The following ANKRD30B variants were observed in gnomAD, a reference collection of about 807,000 sequenced individuals.
ANKRD30B encodes the protein ankyrin repeat domain-containing protein 30B.
In ANKRD30B, 144 loss-of-function variants were observed where a neutral mutation model predicts 202.2. The ratio of observed to expected loss-of-function variants is 0.71; its 90% CI spans 0.62 to 0.82. ANKRD30B has a LOEUF of 0.82. Among genes scored for constraint, ANKRD30B ranks in the 40% least tolerant of loss-of-function variants. ANKRD30B has a pLI of 0.00. For missense variants in ANKRD30B, 1,487 were observed against 1,669.1 expected, an observed-to-expected ratio of 0.89 and a Z score of 1.90; for synonymous variants, 508 against 561.3, an observed-to-expected ratio of 0.91 and a Z score of 1.34.
intron 16 of ANKRD30B, among the ~76,000 whole-genome samples, chr18:14,792,918 T>A (rs1017631596): frequency 1.3e-5 from 2 of 152,136 alleles, no homozygotes; most frequent in Non-Finnish European, 2.9e-5. Flanking sequence ...ACCATAATTC[T>A]GAATTCATGA....
chr18:14,926,483 T>C, the ANKRD30B span, among the ~76,000 whole-genome samples: 3 of 152,154 alleles, frequency 2.0e-5, no homozygotes, highest in Non-Finnish European at 4.4e-5. Context: ...CCACACATTG[T>C]CAAGGTGAGA....
intron 14 of ANKRD30B, among the ~76,000 whole-genome samples, chr18:14,786,338 A>AT (rs1049834624): frequency 5.9e-5 from 9 of 152,024 alleles, no homozygotes; most frequent in African/African-American, 2.2e-4. Flanking sequence ...TAAGGCAATT[A>AT]TTTTTTCCTA....
intron 8 of ANKRD30B, 68 bp from the exon 9 acceptor site, chr18:14,772,088 T>A (rs1967038306): frequency 9.9e-7 from 1 of 1,008,228 alleles, no homozygotes; most frequent in Non-Finnish European, 1.4e-6. Context: ...CACCAAGATA[T>A]GAACTAGCAG....
the ANKRD30B span, among the ~76,000 whole-genome samples, chr18:14,860,360 A>C: frequency 8.3e-6 from 1 of 120,050 alleles, no homozygotes; most frequent in Non-Finnish European, 1.7e-5. Context: ...GCTGCCGGGC[A>C]GAGGCGCTCC....
chr18:14,781,953 A>T (rs1967776504), intron 11 of ANKRD30B, among the ~76,000 whole-genome samples: 1 of 152,204 alleles, frequency 6.6e-6, no homozygotes, highest in Non-Finnish European at 1.5e-5. Context: ...TATATGAGTA[A>T]ACTAGCTAGC....
intron 34 of ANKRD30B, among the ~76,000 whole-genome samples, chr18:14,833,718 G>A (rs1368148114): frequency 1.3e-5 from 2 of 152,094 alleles, no homozygotes; most frequent in African/African-American, 4.8e-5. Flanking sequence ...TGTAAATACT[G>A]ATCAGCAATA....
chr18:14,793,163 C>G (rs753734415), intron 16 of ANKRD30B, among the ~76,000 whole-genome samples: 1 of 151,748 alleles, frequency 6.6e-6, no homozygotes, highest in East Asian at 1.9e-4. Flanking sequence ...TTGTAGCATA[C>G]GGGTATGAAA....
chr18:14,910,366 G>A, the ANKRD30B span, among the ~76,000 whole-genome samples: 120 of 152,072 alleles, frequency 7.9e-4, 2 homozygotes, highest in East Asian at 0.019. Flanking sequence ...TTACTTCACT[G>A]AGGATAATGG....
At chr18:14,922,950 C>G in the ANKRD30B span, among the ~76,000 whole-genome samples, 1 of 152,172 alleles carries the variant, frequency 6.6e-6, no homozygotes, top group Non-Finnish European at 1.5e-5. Context: ...TAGAATAGGA[C>G]ACTGGGCAGA....
chr18:14,826,353 A>G (rs1970656860), intron 32 of ANKRD30B, among the ~76,000 whole-genome samples: 1 of 152,180 alleles, frequency 6.6e-6, no homozygotes, highest in African/African-American at 2.4e-5. Context: ...TTATAACTGA[A>G]AAGTCAATTG....
chr18:14,933,941 A>G, the ANKRD30B span, among the ~76,000 whole-genome samples: 4 of 151,838 alleles, frequency 2.6e-5, no homozygotes, highest in Admixed American at 6.5e-5. Context: ...CTCTTTTCTA[A>G]CCCTTGTCAG....
At chr18:14,937,635 C>T in the ANKRD30B span, among the ~76,000 whole-genome samples, 2 of 151,958 alleles carry the variant, frequency 1.3e-5, no homozygotes, top group Non-Finnish European at 2.9e-5. Context: ...CTTAATAAAA[C>T]CCCTAATTAA....
At chr18:14,788,886 T>G (rs78257268) in intron 15 of ANKRD30B, among the ~76,000 whole-genome samples, 19,268 of 152,156 alleles carry the variant, frequency 0.13, 1,453 homozygotes, top group East Asian at 0.27. Flanking sequence ...GCAGCATGAT[T>G]TATAGTCCTT....
the ANKRD30B span, among the ~76,000 whole-genome samples, chr18:14,938,667 G>A: frequency 6.6e-6 from 1 of 152,166 alleles, no homozygotes; most frequent in African/African-American, 2.4e-5. Flanking sequence ...CTGACCAGAT[G>A]TTTAAAATAT....
chr18:14,758,630 T>C (rs1480709203), intron 5 of ANKRD30B, among the ~76,000 whole-genome samples: 1 of 152,324 alleles, frequency 6.6e-6, no homozygotes, highest in East Asian at 1.9e-4. Context: ...ACTTTTATCT[T>C]TTGCCACACA....
the ANKRD30B span, among the ~76,000 whole-genome samples, chr18:14,892,835 T>C: frequency 6.6e-6 from 1 of 151,200 alleles, no homozygotes; most frequent in African/African-American, 2.4e-5. Context: ...GGAGAATCAC[T>C]TGAACTTGGG....
chr18:14,915,618 C>T, the ANKRD30B span: 1 of 152,182 alleles, frequency 6.6e-6, no homozygotes, highest in Non-Finnish European at 1.5e-5. Context: ...TCCTCATCAA[C>T]CAAGCTACTG....
At chr18:14,796,062 C>T (rs1381311743) in intron 16 of ANKRD30B, among the ~76,000 whole-genome samples, 159 bp from the exon 17 acceptor site, 1 of 152,106 alleles carries the variant, frequency 6.6e-6, no homozygotes, top group Non-Finnish European at 1.5e-5. Flanking sequence ...GTCCCGTTGG[C>T]ATGTTAACAA....
chr18:14,933,810 A>G, the ANKRD30B span, among the ~76,000 whole-genome samples: 1 of 152,164 alleles, frequency 6.6e-6, no homozygotes, highest in Non-Finnish European at 1.5e-5. Flanking sequence ...TGACTTTGCA[A>G]CTACGTCAAG....
Sources: gnomAD v4.1 joint callset for allele counts (sites outside exome capture counted in the v4.1 genomes callset) on GRCh38, gnomAD v4.1.1 for gene constraint, MANE v1.5 for transcripts, NCBI Gene and HGNC (gene_info 2026-07-23, HGNC 2026-07-21) for gene names.